C1QTNF12: variants seen among roughly 807,000 people sequenced by gnomAD.
C1QTNF12 encodes C1q and TNF related 12.
Under a neutral mutation model 34.3 loss-of-function variants are expected in C1QTNF12, and 39 were observed. The observed-to-expected ratio is 1.14, with a 90% CI of 0.88 to 1.49. The LOEUF (loss-of-function observed/expected upper bound fraction) is 1.49, where lower values mean the gene tolerates loss of function less well. Among genes scored for constraint, C1QTNF12 ranks in the 40% most tolerant of loss-of-function variants. C1QTNF12 has a pLI of 0.00. For missense variants in C1QTNF12, 497 were observed against 424.7 expected (o/e 1.17, Z -1.50); for synonymous variants, 220 against 196.9 (o/e 1.12, Z -0.98).
At chr1:1,243,891 T>G in intron 4 of C1QTNF12, 63 bp downstream of exon 4, 1 of 1,538,986 alleles carries the variant, frequency 6.5e-7, no homozygotes, top group Non-Finnish European at 8.8e-7. Flanking sequence ...GCGGTGTGTG[T>G]GGTCCCGTCT....
chr1:1,243,358 G>T, intron 5 of C1QTNF12, 86 bp downstream of exon 5: 1 of 1,301,996 alleles, frequency 7.7e-7, no homozygotes, highest in Admixed American at 2.0e-5. Context: ...AACAGGACCC[G>T]CACCCGGGGC....
At position 1,243,101 on chromosome 1, in the gene C1QTNF12, C is replaced by T. The variant is rs753413493; in HGVS notation, c.692G>A (p.Cys231Tyr). The change falls in exon 6 of 8, where the codon TGT (cysteine) becomes TAT (tyrosine). Residue 231 changes from cysteine to tyrosine, a missense_variant. Coordinates refer to ENST00000330388, the MANE Select transcript of C1QTNF12 (RefSeq NM_001014980.3). ...KARLRARDVV[C>Y]VLICIESLCQ... is the part of the protein sequence containing the mutation. ...CAGGGACTCAATACAGATGAGAACA[C>T]ACACCACGTCCCGGGCCCGCAGCCG... 11 of 1,590,268 alleles carry T rather than the reference C, an allele frequency of 6.9e-6. No individual in the cohort carries two copies. The highest frequency in any genetic ancestry group is 9.4e-6 in the Non-Finnish European group (11 of 1,169,316).
At chr1:1,242,751 T>C in intron 7 of C1QTNF12, 84 bp downstream of exon 7, 1 of 1,566,238 alleles carries the variant, frequency 6.4e-7, no homozygotes, top group Non-Finnish European at 8.7e-7. Flanking sequence ...GCCCCAGAGG[T>C]CTGCGCCCTG....
At chr1:1,245,664 C>T (rs952025175) in intron 1 of C1QTNF12, among the ~76,000 whole-genome samples, 1 of 152,176 alleles carries the variant, frequency 6.6e-6, no homozygotes, top group Non-Finnish European at 1.5e-5. Context: ...AACCAGCCCA[C>T]TCTTCCTGAG....
upstream of C1QTNF12, chr1:1,246,743 C>A: frequency 1.7e-6 from 2 of 1,196,230 alleles, no homozygotes; most frequent in South Asian, 8.4e-5. The surrounding 1 kb of genome is among the most constrained non-coding windows in gnomAD (Gnocchi z 4.5). Context: ...AGGGCGCAGT[C>A]ATGGGGACGG....
At position 1,242,594 on chromosome 1, in the gene C1QTNF12, G is replaced by A. The variant is rs767206628; in HGVS notation, c.863C>T (p.Thr288Ile). The change falls in exon 8 of 8, where the codon ACC (threonine) becomes ATC (isoleucine). Residue 288 changes from threonine to isoleucine, a missense_variant. Coordinates refer to ENST00000330388, the MANE Select transcript of C1QTNF12 (RefSeq NM_001014980.3). ...FVDNGSGAVL[T>I]IQAGSSFSGL... is the part of the protein sequence containing the mutation. The stretch of plus-strand genomic sequence containing the variant: ...GGAGAAGCTGGAGCCCGCCTGGATG[G>A]TGAGGACGGCCCCGGAGCCATTGTC... 43 of 1,592,880 alleles carry A rather than the reference G, an allele frequency of 2.7e-5. No individual in the cohort carries two copies. The highest frequency in any genetic ancestry group is 3.6e-5 in the Non-Finnish European group (42 of 1,170,132).
In C1QTNF12 at chr1:1,246,390, G is replaced by T; in HGVS notation, c.177+124C>A. On this transcript the variant is annotated intron_variant, in intron 1 of 7. Coordinates refer to ENST00000330388, the MANE Select transcript of C1QTNF12 (RefSeq NM_001014980.3). This position sits in a 1 kb window ranked among gnomAD's most constrained non-coding sequence, Gnocchi z 4.5. ...AGATTCTCAAGGCGGGACCGTGGCC[G>T]AGGCCTCGAAAAGGGCGACCCGGAG... 1 of 791,950 alleles carries T rather than the reference G, an allele frequency of 1.3e-6. No individual in the cohort carries two copies. The highest frequency in any genetic ancestry group is 3.4e-5 in the East Asian group (1 of 29,302). 49.1% of individuals were successfully genotyped at this position (791,950 alleles called of 1,614,324 possible).
upstream of C1QTNF12, among the ~76,000 whole-genome samples, chr1:1,246,957 T>TCC (rs1638910980): frequency 1.3e-5 from 2 of 150,498 alleles, no homozygotes; most frequent in African/African-American, 4.9e-5. This position sits in a 1 kb window ranked among gnomAD's most constrained non-coding sequence, Gnocchi z 4.5. Flanking sequence ...CGCCTCCTCC[T>TCC]CCCCAGACCT....
In C1QTNF12 at chr1:1,243,496, C is replaced by A. The variant is rs527643347; in HGVS notation, c.588G>T (p.Arg196=). Residue 196 remains arginine (R), a synonymous_variant, in exon 5 of 8, where the codon CGG becomes CGT. Coordinates refer to ENST00000330388, the MANE Select transcript of C1QTNF12 (RefSeq NM_001014980.3). ...RGSGLSLASG[R]FTAPVSGIFQ... is the part of the protein sequence containing the mutation. ...AGATGCCGGACACGGGGGCCGTGAA[C>A]CGACCCGAGGCCAGGCTCAGACCGG... 9 of 1,560,142 alleles carry A rather than the reference C, an allele frequency of 5.8e-6. No homozygotes were observed. In the South Asian group the frequency reaches 8.2e-5, roughly 14 times the overall value.
chr1:1,242,672 ACCGCAG>A lies in C1QTNF12; in HGVS notation c.811-32_811-27del, dbSNP rs760366509. The A allele has an allele frequency of 7.7e-5, 121 of 1,571,696 alleles. No individual in the cohort carries two copies. The South Asian group carries it at 1.3e-3, about 18-fold the overall frequency. On this transcript the variant is annotated intron_variant, in intron 7 of 7. Coordinates refer to ENST00000330388, the MANE Select transcript of C1QTNF12 (RefSeq NM_001014980.3). ...CTGTAAGAAGCACGGGGACGTCACA[ACCGCAG>A]CCACAGCCCAGCCACTCGGTGGCCA...
rs368696075 is a variant in C1QTNF12 at position 1,243,043 on chromosome 1, G to C, written c.731+19C>G. ...TGGTCCGGGGGCTGCCGCCTGGAGC[G>C]GGGGCTGAGGTCACTCACGTGTGGC... On this transcript the variant is annotated intron_variant, in intron 6 of 7. Transcript: ENST00000330388. 1.9e-6 allele frequency: 3 copies of C among 1,567,206 alleles called. No individual in the cohort carries two copies. Among genetic ancestry groups the C allele is most frequent in the South Asian group, 1.2e-5 (1 of 85,832 alleles).
At chr1:1,242,713 C>A in intron 7 of C1QTNF12, 67 bp from the exon 8 acceptor site, 1 of 1,551,344 alleles carries the variant, frequency 6.4e-7, no homozygotes, top group South Asian at 1.2e-5. Flanking sequence ...AACGTCTGCC[C>A]ACCTGCCCTG....
In C1QTNF12 at chr1:1,246,568, G is replaced by C; in HGVS notation, c.123C>G (p.Pro41=). The C allele has an allele frequency of 8.0e-7, 1 of 1,245,948 alleles. No individual in the cohort carries two copies. The highest frequency in any genetic ancestry group is 3.4e-5 in the South Asian group (1 of 29,308). 77.2% of individuals were successfully genotyped at this position (1,245,948 alleles called of 1,614,324 possible). The part of the protein sequence containing the change: ...RTQQPGQRAD[P]PNATASASSR... The stretch of plus-strand genomic sequence containing the variant: ...AGGACGCGCTGGCGGTGGCGTTGGG[G>C]GGATCTGCGCGCTGGCCAGGCTGCT... Residue 41 remains proline (P), a synonymous_variant, in exon 1 of 8, where the codon CCC becomes CCG. Transcript: ENST00000330388. The surrounding 1 kb of genome is among the most constrained non-coding windows in gnomAD (Gnocchi z 4.5).
Position 1,243,463 on chromosome 1 carries a change from G to T in C1QTNF12, c.621C>A (p.Phe207Leu). 1 of 1,557,888 alleles carries T rather than the reference G, an allele frequency of 6.4e-7. No homozygotes were observed. Among genetic ancestry groups the T allele is most frequent in the East Asian group, 2.4e-5 (1 of 41,374 alleles). ...GCTCACCCACGTGCAGACTGGCAGA[G>T]AACTGGAAGATGCCGGACACGGGGG... ...FTAPVSGIFQFSASLHVDHSE... is the reference protein window; with the variant it reads ...FTAPVSGIFQLSASLHVDHSE... Residue 207 changes from phenylalanine to leucine, a missense_variant, in exon 5 of 8, where the codon TTC becomes TTA. Transcript: ENST00000330388.
At chr1:1,247,162 G>C (rs1404015021), upstream of C1QTNF12, among the ~76,000 whole-genome samples, 2 of 151,686 alleles carry the variant, frequency 1.3e-5, no homozygotes, top group African/African-American at 2.4e-5. Context: ...GAAGACAGCA[G>C]CCTACCTCCT....
chr1:1,246,780 G>T, upstream of C1QTNF12: 3 of 1,001,728 alleles, frequency 3.0e-6, no homozygotes, highest in Non-Finnish European at 3.8e-6. This position sits in a 1 kb window ranked among gnomAD's most constrained non-coding sequence, Gnocchi z 4.5. Flanking sequence ...CCGCGCGGGG[G>T]CGAGGCCCAG....
At chr1:1,245,399 G>C (rs55812745) in intron 1 of C1QTNF12, among the ~76,000 whole-genome samples, 21,574 of 147,156 alleles carry the variant, frequency 0.15, 2,978 homozygotes, top group East Asian at 0.51. Context: ...TGGGGGCTGA[G>C]AGCCAGAGGC....
Position 1,246,438 on chromosome 1 carries a change from C to T in C1QTNF12, c.177+76G>A, listed in dbSNP as rs942550500. 3.4e-6 allele frequency: 4 copies of T among 1,169,742 alleles called. No individual in the cohort carries two copies. The African/African-American group carries it at 6.3e-5, about 19-fold the overall frequency. The allele number at this position is 1,169,742 out of a possible 1,614,324, so 72.5% of individuals were successfully genotyped here. A position where few individuals can be genotyped will look rare whatever the true frequency, so the allele number is the denominator to read the frequency against. ...GAGGCAGAGCCGGCAGGGACAGAGCCTGCTGGGGGAGGACGCCCCAGAGCC... is the reference window on the plus strand; with the variant it reads ...GAGGCAGAGCCGGCAGGGACAGAGCTTGCTGGGGGAGGACGCCCCAGAGCC... On this transcript the variant is annotated intron_variant, in intron 1 of 7. Coordinates refer to ENST00000330388, the MANE Select transcript of C1QTNF12 (RefSeq NM_001014980.3). The surrounding 1 kb of genome is among the most constrained non-coding windows in gnomAD (Gnocchi z 4.5).
Position 1,244,264 on chromosome 1 carries a change from G to T in C1QTNF12, c.306C>A (p.Phe102Leu). 1 of 1,594,610 alleles carries T rather than the reference G, an allele frequency of 6.3e-7. No individual in the cohort carries two copies. Among genetic ancestry groups the T allele is most frequent in the East Asian group, 2.2e-5 (1 of 44,578 alleles). Residue 102 changes from phenylalanine to leucine, a missense_variant, in exon 3 of 8, where the codon TTC (phenylalanine) becomes TTA (leucine). Physicochemically the swap from Phe to Leu is conservative, Grantham distance 22 (BLOSUM62 0). Coordinates refer to ENST00000330388, the MANE Select transcript of C1QTNF12 (RefSeq NM_001014980.3). Reference protein sequence around the residue: ...GSRDKKPRDLFGPPGPPGAEV... With the variant: ...GSRDKKPRDLLGPPGPPGAEV... ...CTGCACCTGGAGGTCCTGGGGGACC[G>T]AAGAGATCCCGCTGGGGGGAGAGAG...
Sources: gnomAD v4.1 joint callset for allele counts (sites outside exome capture counted in the v4.1 genomes callset) on GRCh38, gnomAD v4.1.1 for gene constraint, Gnocchi (gnomAD v3.1) non-coding constraint, MANE v1.5 for transcripts, NCBI Gene and HGNC (gene_info 2026-07-23, HGNC 2026-07-21) for gene names.